The following LRRC3B variants were observed in gnomAD, a reference collection of about 807,000 sequenced individuals.
LRRC3B encodes the protein leucine-rich repeat-containing protein 3B.
Under a neutral mutation model 12.8 loss-of-function variants are expected in LRRC3B, and 2 were observed. That is an observed-to-expected ratio of 0.16 (90% confidence interval 0.06 to 0.49). The LOEUF (loss-of-function observed/expected upper bound fraction) is 0.49. LRRC3B is among the 20% of genes least tolerant of loss of function. The pLI is 0.96. For missense variants in LRRC3B, 189 were observed against 319.4 expected, an observed-to-expected ratio of 0.59 and a Z score of 3.11; for synonymous variants, 132 against 122.0, an observed-to-expected ratio of 1.08 and a Z score of -0.54.
At chr3:26,692,087 A>G (rs1700204523) in intron 1 of LRRC3B, among the ~76,000 whole-genome samples, 1 of 152,222 alleles carries the variant, frequency 6.6e-6, no homozygotes, top group Non-Finnish European at 1.5e-5. Flanking sequence ...TATGCTTAAA[A>G]CAAAAATCAC....
At chr3:26,675,915 A>G (rs570827402) in intron 1 of LRRC3B, among the ~76,000 whole-genome samples, 5 of 151,572 alleles carry the variant, frequency 3.3e-5, no homozygotes, top group Admixed American at 3.3e-4. Flanking sequence ...AAAATGTGGG[A>G]ATCTGACATC....
intron 1 of LRRC3B, among the ~76,000 whole-genome samples, chr3:26,691,394 G>T (rs1359434771): frequency 6.6e-6 from 1 of 151,886 alleles, no homozygotes; most frequent in Non-Finnish European, 1.5e-5. Flanking sequence ...ATTCACAAGA[G>T]CAACTTTGTT....
intron 1 of LRRC3B, among the ~76,000 whole-genome samples, chr3:26,699,943 G>A (rs1700413333): frequency 6.6e-6 from 1 of 152,120 alleles, no homozygotes; most frequent in Admixed American, 6.6e-5. Context: ...TTCATAAAAA[G>A]TGGGTTTCAA....
At chr3:26,683,625 T>C (rs933658767) in intron 1 of LRRC3B, among the ~76,000 whole-genome samples, 2 of 152,164 alleles carry the variant, frequency 1.3e-5, no homozygotes, top group Non-Finnish European at 1.5e-5. Context: ...GGTGGAACCA[T>C]ACATGCATAA....
chr3:26,703,052 T>C (rs11915756), intron 1 of LRRC3B, among the ~76,000 whole-genome samples: 39,746 of 152,042 alleles, frequency 0.26, 8,955 homozygotes, highest in African/African-American at 0.61. Flanking sequence ...GAAGAAGTTA[T>C]TATCTCCAAA....
At chr3:26,700,153 T>C (rs957421157) in intron 1 of LRRC3B, among the ~76,000 whole-genome samples, 1 of 152,166 alleles carries the variant, frequency 6.6e-6, no homozygotes. Flanking sequence ...GTGCCTTAAC[T>C]GACTGAGATC....
intron 1 of LRRC3B, among the ~76,000 whole-genome samples, chr3:26,675,280 G>C (rs1699834099): frequency 6.6e-6 from 1 of 152,174 alleles, no homozygotes; most frequent in Admixed American, 6.5e-5. Context: ...ATGTCTCTTT[G>C]ATACCCCAAT....
chr3:26,673,360 T>G (rs377383314), intron 1 of LRRC3B, among the ~76,000 whole-genome samples: 10 of 152,112 alleles, frequency 6.6e-5, no homozygotes, highest in Non-Finnish European at 1.3e-4. Context: ...AACCCAACAA[T>G]GCTGAAGAGG....
At chr3:26,707,287 C>A (rs1473120474) in intron 1 of LRRC3B, among the ~76,000 whole-genome samples, 2 of 151,814 alleles carry the variant, frequency 1.3e-5, no homozygotes, top group African/African-American at 2.4e-5. Context: ...ATTGCTGGAA[C>A]CTGGCAGGCG....
intron 1 of LRRC3B, among the ~76,000 whole-genome samples, chr3:26,706,539 TACATCC>T (rs1700592589): frequency 6.6e-6 from 1 of 152,058 alleles, no homozygotes; most frequent in Admixed American, 6.5e-5. Flanking sequence ...TAACAAGCAT[TACATCC>T]AGTTCACAAG....
intron 1 of LRRC3B, among the ~76,000 whole-genome samples, chr3:26,648,804 T>C (rs544156855): frequency 1.3e-5 from 2 of 152,346 alleles, no homozygotes; most frequent in Admixed American, 1.3e-4. Flanking sequence ...GAATGGGCAG[T>C]TGCAACACCG....
intron 1 of LRRC3B, among the ~76,000 whole-genome samples, chr3:26,642,033 GCAAAA>G (rs888091207): frequency 2.6e-4 from 39 of 152,238 alleles, no homozygotes; most frequent in Middle Eastern, 3.4e-3. Context: ...ATTATGTTGT[GCAAAA>G]CAAAAAATAT....
chr3:26,691,580 A>G (rs536029211), intron 1 of LRRC3B, among the ~76,000 whole-genome samples: 1 of 152,196 alleles, frequency 6.6e-6, no homozygotes, highest in Non-Finnish European at 1.5e-5. Flanking sequence ...TTCTCCATCC[A>G]TTTCTAATTG....
intron 1 of LRRC3B, among the ~76,000 whole-genome samples, chr3:26,656,612 A>C (rs1364482000): frequency 1.3e-5 from 2 of 152,212 alleles, no homozygotes; most frequent in African/African-American, 4.8e-5. Flanking sequence ...GAGGCAGTGG[A>C]ATGTTGTCAA....
chr3:26,694,236 T>C (rs182689893), intron 1 of LRRC3B, among the ~76,000 whole-genome samples: 30 of 152,334 alleles, frequency 2.0e-4, no homozygotes, highest in Non-Finnish European at 3.4e-4. Flanking sequence ...TCAATAGCAA[T>C]GTTTTATTCT....
At chr3:26,643,985 C>G (rs924752076) in intron 1 of LRRC3B, among the ~76,000 whole-genome samples, 4 of 152,212 alleles carry the variant, frequency 2.6e-5, no homozygotes, top group Non-Finnish European at 5.9e-5. Context: ...ACGCTCTGCT[C>G]AGCATTTCCA....
At chr3:26,632,548 G>A (rs527342542) in intron 1 of LRRC3B, among the ~76,000 whole-genome samples, 7 of 152,114 alleles carry the variant, frequency 4.6e-5, no homozygotes, top group East Asian at 1.9e-4. Flanking sequence ...TCCCCGAGCC[G>A]TTACCCCCTA....
At chr3:26,622,886 G>C (rs1474316288) in exon 1 of LRRC3B, 1 of 152,158 alleles carries the variant, frequency 6.6e-6, no homozygotes, top group Admixed American at 6.5e-5. Flanking sequence ...GCAAGGCTAC[G>C]GCGCCTGGAG....
rs1699482115 is a variant in LRRC3B at position 26,661,071 on chromosome 3, G to A, written c.-161+37834G>A. On this transcript the variant is annotated intron_variant, in intron 1 of 1. Coordinates refer to ENST00000396641, the Ensembl canonical transcript of LRRC3B. ...AACAATTTGAAAAACATCCTGAATA[G>A]ATTGTGTCAAATCAGCCAATAGAAG... is the stretch of plus-strand genomic sequence containing the variant. 2.0e-5 allele frequency among the ~76,000 whole-genome samples: 3 copies of A among 152,154 alleles called. No individual in the cohort carries two copies. The South Asian group carries it at 6.2e-4, about 32-fold the overall frequency.
Sources: gnomAD v4.1 joint callset for allele counts (sites outside exome capture counted in the v4.1 genomes callset) on GRCh38, gnomAD v4.1.1 for gene constraint, MANE v1.5 for transcripts, NCBI Gene and HGNC (gene_info 2026-07-23, HGNC 2026-07-21) for gene names.